TYW1B: variants seen among roughly 807,000 people sequenced by gnomAD.
The protein encoded by TYW1B is tRNA-yW synthesizing protein 1 homolog B, also known as S-adenosyl-L-methionine-dependent tRNA 4-demethylwyosine synthase TYW1B.
Under a neutral mutation model 86.9 loss-of-function variants are expected in TYW1B, and 73 were observed. The ratio of observed to expected loss-of-function variants is 0.84; its 90% CI spans 0.70 to 1.02. The LOEUF is 1.02. TYW1B is among the 50% of genes least tolerant of loss of function. The pLI is 0.00. For missense variants in TYW1B, 637 were observed against 827.4 expected, an observed-to-expected ratio of 0.77 and a Z score of 2.82; for synonymous variants, 248 against 292.8, an observed-to-expected ratio of 0.85 and a Z score of 1.56.
At chr7:72,714,372 T>C (rs1786735492) in intron 9 of TYW1B, among the ~76,000 whole-genome samples, 2 of 152,052 alleles carry the variant, frequency 1.3e-5, no homozygotes, top group Admixed American at 6.6e-5. Context: ...TTCCCAGCAC[T>C]TTGGGAGGCC....
intron 13 of TYW1B, among the ~76,000 whole-genome samples, chr7:72,580,110 C>T (rs1811118238): frequency 6.6e-6 from 1 of 152,092 alleles, no homozygotes; most frequent in Non-Finnish European, 1.5e-5. Flanking sequence ...AGGGGGGCCA[C>T]AAACATTCAG....
chr7:72,808,236 C>T (rs1554477220), intron 4 of TYW1B, among the ~76,000 whole-genome samples: 1 of 152,100 alleles, frequency 6.6e-6, no homozygotes, highest in Non-Finnish European at 1.5e-5. Flanking sequence ...GAAGAATGCT[C>T]AAGCCCAAGT....
At chr7:72,688,473 G>A (rs34135053) in intron 11 of TYW1B, among the ~76,000 whole-genome samples, 26 of 151,832 alleles carry the variant, frequency 1.7e-4, no homozygotes, top group African/African-American at 5.6e-4. Context: ...CTTTTTTGTC[G>A]TACCTTTACT....
intron 6 of TYW1B, among the ~76,000 whole-genome samples, chr7:72,793,932 C>T (rs1248823337): frequency 6.6e-6 from 1 of 152,102 alleles, no homozygotes; most frequent in Admixed American, 6.6e-5. Flanking sequence ...TTACCTCTAG[C>T]CCCACAAGAA....
Position 72,713,737 on chromosome 7 carries a change from C to T in TYW1B, c.1254G>A (p.Leu418=). The T allele has an allele frequency of 6.2e-7, 1 of 1,613,172 alleles. No individual in the cohort carries two copies. Among genetic ancestry groups the T allele is most frequent in the Middle Eastern group, 1.7e-4 (1 of 6,054 alleles). The change falls in exon 10 of 14, where the codon TTG becomes TTA. Residue 418 remains leucine (L), a synonymous_variant. Coordinates refer to ENST00000620995, the MANE Select transcript of TYW1B (RefSeq NM_001145440.3). ...EEGMTVKHCA[L]SLVGEPIMYP... ...ACATTATTGGTTCTCCCACGAGGGACAATGCACAGTGCTTTACCGTCATTC... is the reference window on the plus strand; with the variant it reads ...ACATTATTGGTTCTCCCACGAGGGATAATGCACAGTGCTTTACCGTCATTC...
intron 11 of TYW1B, among the ~76,000 whole-genome samples, chr7:72,641,277 T>C (rs1812793924): frequency 6.6e-6 from 1 of 151,850 alleles, no homozygotes; most frequent in African/African-American, 2.4e-5. Flanking sequence ...TCCCAACAAA[T>C]AAAAGCTTAA....
chr7:72,650,156 C>T (rs1813026326), intron 11 of TYW1B, among the ~76,000 whole-genome samples: 2 of 151,444 alleles, frequency 1.3e-5, no homozygotes. Context: ...ACTCGTGATC[C>T]ACCCACCTTG....
At chr7:72,759,603 A>C (rs574527489) in intron 7 of TYW1B, among the ~76,000 whole-genome samples, 14 of 152,294 alleles carry the variant, frequency 9.2e-5, no homozygotes, top group Non-Finnish European at 1.8e-4. Context: ...GCAACTATGG[A>C]GTTAACATGT....
chr7:72,677,762 C>T (rs572229795), intron 11 of TYW1B, among the ~76,000 whole-genome samples: 5 of 152,156 alleles, frequency 3.3e-5, no homozygotes, highest in East Asian at 1.9e-4. Context: ...AGTGCAGTAG[C>T]GTGATCTTGG....
At chr7:72,663,317 C>T (rs781976929) in intron 11 of TYW1B, among the ~76,000 whole-genome samples, 6 of 152,020 alleles carry the variant, frequency 3.9e-5, no homozygotes, top group Non-Finnish European at 5.9e-5. Flanking sequence ...TTTGAAATTT[C>T]AAAGTAAATA....
chr7:72,637,310 AT>A (rs1226479305), intron 11 of TYW1B, among the ~76,000 whole-genome samples: 2 of 151,804 alleles, frequency 1.3e-5, no homozygotes, highest in African/African-American at 2.4e-5. Flanking sequence ...TAAAAAAGCA[AT>A]TTATTTAACA....
chr7:72,786,839 T>C (rs1359595787), intron 6 of TYW1B, among the ~76,000 whole-genome samples: 1 of 152,120 alleles, frequency 6.6e-6, no homozygotes, highest in African/African-American at 2.4e-5. Context: ...CTTCCCAAAG[T>C]GCTGGGATTA....
intron 13 of TYW1B, among the ~76,000 whole-genome samples, chr7:72,592,160 TAAA>T (rs56146824): frequency 7.7e-5 from 8 of 103,400 alleles, no homozygotes; most frequent in African/African-American, 2.5e-4. Context: ...ACTAATGTGT[TAAA>T]AAAAAAAAAA....
intron 13 of TYW1B, among the ~76,000 whole-genome samples, chr7:72,577,888 A>C (rs1811062440): frequency 6.6e-6 from 1 of 152,120 alleles, no homozygotes; most frequent in African/African-American, 2.4e-5. Context: ...AGTCTTCCTA[A>C]ATCCTGTTAG....
intron 6 of TYW1B, among the ~76,000 whole-genome samples, chr7:72,785,572 A>G (rs1406670079): frequency 4.1e-4 from 63 of 152,072 alleles, no homozygotes; most frequent in African/African-American, 1.3e-3. Context: ...CACATTCCAA[A>G]TGAGAAAACA....
intron 11 of TYW1B, among the ~76,000 whole-genome samples, chr7:72,640,713 C>A (rs1173420842): frequency 6.6e-6 from 1 of 152,072 alleles, no homozygotes; most frequent in East Asian, 1.9e-4. Flanking sequence ...GAGAAATTAA[C>A]ATAGCCATAG....
At chr7:72,708,323 A>T (rs1282883510) in intron 10 of TYW1B, among the ~76,000 whole-genome samples, 1 of 152,226 alleles carries the variant, frequency 6.6e-6, no homozygotes, top group Non-Finnish European at 1.5e-5. Flanking sequence ...TAATTAAAAA[A>T]CTAAAAAATA....
At chr7:72,676,446 A>G (rs868912206) in intron 11 of TYW1B, among the ~76,000 whole-genome samples, 31 of 152,178 alleles carry the variant, frequency 2.0e-4, no homozygotes, top group Admixed American at 5.9e-4. Flanking sequence ...ATTTAGTTCA[A>G]TAATGAAACA....
intron 11 of TYW1B, among the ~76,000 whole-genome samples, chr7:72,669,267 C>T (rs1554445882): frequency 6.6e-6 from 1 of 151,062 alleles, no homozygotes; most frequent in Non-Finnish European, 1.5e-5. Context: ...GCCTCAGCCT[C>T]CCAAGTAGCT....
Sources: allele counts gnomAD v4.1 joint callset (sites outside exome capture counted in the v4.1 genomes callset), GRCh38; gene constraint gnomAD v4.1.1; transcripts MANE v1.5; gene names NCBI Gene and HGNC (gene_info 2026-07-23, HGNC 2026-07-21).